BBS7: variants seen among roughly 807,000 people sequenced by gnomAD.
BBS7 encodes Bardet-Biedl syndrome 7, also known as BBSome complex member BBS7.
BBS7 carries 50 observed loss-of-function variants against 90.3 expected under a neutral mutation model. The observed-to-expected ratio is 0.55, with a 90% CI of 0.44 to 0.70. BBS7 has a LOEUF of 0.70. Ranked by LOEUF, BBS7 falls within the 30% of genes least tolerant of loss-of-function variation. The pLI, the probability that BBS7 is intolerant of heterozygous loss-of-function variation, is 0.00. For missense variants in BBS7, 729 were observed against 838.9 expected, an observed-to-expected ratio of 0.87 and a Z score of 1.62; for synonymous variants, 235 against 287.4, an observed-to-expected ratio of 0.82 and a Z score of 1.85.
rs1350880475 is a variant in BBS7, at chr4:121,835,128, C to T, written c.1511+16G>A. The T allele has an allele frequency of 9.9e-6, 16 of 1,613,412 alleles. No individual in the cohort carries two copies. Among genetic ancestry groups the T allele is most frequent in the Non-Finnish European group, 1.3e-5 (15 of 1,179,474 alleles). Reference sequence around the variant, plus strand: ...TGTAATATCCTAAAAAGAATTTGCTCTTTCCTTTGTCCTACCTGTCATGAT... The same window carrying T: ...TGTAATATCCTAAAAAGAATTTGCTTTTTCCTTTGTCCTACCTGTCATGAT... On this transcript the variant is annotated intron_variant, in intron 14 of 18. Transcript: ENST00000264499.
At chr4:121,870,151 A>T in intron 1 of BBS7, 127 bp downstream of exon 1, 1 of 1,209,480 alleles carries the variant, frequency 8.3e-7, no homozygotes, top group African/African-American at 1.5e-5. Context: ...AGAGGTCGGC[A>T]CCCAGCCCGG....
At chr4:121,832,009 A>ACACACACACACACACACAC (rs1725207388) in intron 15 of BBS7, among the ~76,000 whole-genome samples, 3 of 142,768 alleles carry the variant, frequency 2.1e-5, no homozygotes, top group African/African-American at 8.0e-5. Flanking sequence ...AAAAAACAAA[A>ACACACACACACACACACAC]ACACACACAC....
rs535815514 is a variant in BBS7 at position 121,849,072 on chromosome 4, G to A, written c.850-144C>T. 11 of 567,622 alleles carry A rather than the reference G, an allele frequency of 1.9e-5. No individual in the cohort carries two copies. The Admixed American group carries it at 2.4e-4, about 12-fold the overall frequency. The allele number at this position is 567,622 out of a possible 1,614,324, so 35.2% of individuals were successfully genotyped here. A position where few individuals can be genotyped will look rare whatever the true frequency, so the allele number is the denominator to read the frequency against. ...TATGTGCAGACACTCAGATTAGAAA[G>A]ACAAAATATCTTGAACAAATGGCAG... On this transcript the variant is annotated intron_variant, in intron 8 of 18. Transcript: ENST00000264499.
rs1404321536 is a variant in BBS7 at position 121,857,869 on chromosome 4, C to T, written c.528+1123G>A. Among the ~76,000 whole-genome samples the T allele has an allele frequency of 2.9e-5, 4 of 136,812 alleles. No individual in the cohort carries two copies. The Admixed American group carries it at 3.3e-4, about 11-fold the overall frequency. 89.8% of individuals were successfully genotyped at this position (136,812 alleles called of 152,430 possible). ...TTGCCCAGGCTGGAGTGCAGTGATG[C>T]AATTTCAGCTCACCGCAACCTCCGC... On this transcript the variant is annotated intron_variant, in intron 5 of 18. Coordinates refer to ENST00000264499, the MANE Select transcript of BBS7 (RefSeq NM_176824.3).
intron 15 of BBS7, among the ~76,000 whole-genome samples, chr4:121,831,950 G>A (rs1332585599): frequency 2.6e-5 from 4 of 151,526 alleles, no homozygotes; most frequent in African/African-American, 4.9e-5. Flanking sequence ...AAGAGGCAGA[G>A]GCAGAGAAAG....
intron 14 of BBS7, among the ~76,000 whole-genome samples, chr4:121,834,638 C>G (rs528217742): frequency 6.6e-6 from 1 of 152,248 alleles, no homozygotes; most frequent in East Asian, 1.9e-4. Context: ...AGAAAGTAAT[C>G]AGTAATTGTT....
chr4:121,855,882 A>G (rs563883938), intron 5 of BBS7, among the ~76,000 whole-genome samples: 9 of 143,994 alleles, frequency 6.3e-5, no homozygotes, highest in Middle Eastern at 3.5e-3. Context: ...ATATGTACAT[A>G]TATGTACATA....
chr4:121,845,965 A>T (rs563968464), intron 10 of BBS7, among the ~76,000 whole-genome samples: 1 of 152,310 alleles, frequency 6.6e-6, no homozygotes. Flanking sequence ...GTAGGCTACA[A>T]AATAATCTTA....
intron 9 of BBS7, 127 bp downstream of exon 9, chr4:121,848,717 G>T: frequency 1.4e-6 from 1 of 714,700 alleles, no homozygotes; most frequent in Non-Finnish European, 2.4e-6. Context: ...TCTTGGAATG[G>T]ATTCCCCATG....
intron 2 of BBS7, 54 bp from the exon 3 acceptor site, chr4:121,863,333 T>C: frequency 7.0e-7 from 1 of 1,426,218 alleles, no homozygotes; most frequent in Non-Finnish European, 9.9e-7. Context: ...TATGACCTAA[T>C]AATTATATAC....
Position 121,833,233 on chromosome 4 carries a change from G to A in BBS7, c.1674C>T (p.Tyr558=). 1 of 1,613,452 alleles carries A rather than the reference G, an allele frequency of 6.2e-7. No homozygotes were observed. The highest frequency in any genetic ancestry group is 2.2e-5 in the East Asian group (1 of 44,844). The change falls in exon 15 of 19, where the codon TAC becomes TAT. Residue 558 remains tyrosine, a splice_region_variant and synonymous_variant. Coordinates refer to ENST00000264499, the MANE Select transcript of BBS7 (RefSeq NM_176824.3). ...AACCAGTAATAAGTTAGATTTACCT[G>A]TAGGTACTTTCAAGTTGTGTATCTA... ...TFLDTQLEST[Y]RKGEGVFKSD...
At chr4:121,850,637 A>G (rs968109806) in intron 8 of BBS7, among the ~76,000 whole-genome samples, 19 of 152,156 alleles carry the variant, frequency 1.2e-4, no homozygotes, top group Admixed American at 1.0e-3. Context: ...AATCTATTCT[A>G]TTTTGTTTTT....
intron 5 of BBS7, among the ~76,000 whole-genome samples, chr4:121,856,572 T>C (rs1726684648): frequency 6.6e-6 from 1 of 151,610 alleles, no homozygotes; most frequent in Non-Finnish European, 1.5e-5. Flanking sequence ...ATTAGCCAGG[T>C]GTGGTGGTGC....
At chr4:121,848,769 T>A in intron 9 of BBS7, 75 bp downstream of exon 9, 1 of 1,227,872 alleles carries the variant, frequency 8.1e-7, no homozygotes, top group Non-Finnish European at 1.2e-6. Context: ...AAAAGAGTCA[T>A]CAAAAGCAGT....
At chr4:121,840,141 T>A (rs1303423360) in intron 12 of BBS7, among the ~76,000 whole-genome samples, 1 of 152,208 alleles carries the variant, frequency 6.6e-6, no homozygotes, top group African/African-American at 2.4e-5. Flanking sequence ...CAGTGGGAGA[T>A]AATTGAATCA....
chr4:121,856,558 C>T (rs1267710434), intron 5 of BBS7, among the ~76,000 whole-genome samples: 1 of 151,656 alleles, frequency 6.6e-6, no homozygotes, highest in Non-Finnish European at 1.5e-5. Context: ...ACTAAAAATA[C>T]AAAATTAGCC....
chr4:121,853,959 T>C (rs1726458658), intron 7 of BBS7, among the ~76,000 whole-genome samples: 1 of 152,208 alleles, frequency 6.6e-6, no homozygotes, highest in Admixed American at 6.5e-5. Flanking sequence ...CCACCTCAAA[T>C]CTTTCACACT....
At position 121,859,134 on chromosome 4, in the gene BBS7, T is replaced by C. The variant is rs762766426; in HGVS notation, c.386A>G (p.Tyr129Cys). ...GTCTTTGCAGTCACAATAATGGTTA[T>C]AGATGTAACTTGCACTGAGAAAGAG... The part of the protein sequence containing the change: ...SDLFLSASYI[Y>C]NHYCDCKDQH... The change falls in exon 5 of 19, where the codon TAT (tyrosine) becomes TGT (cysteine). Residue 129 changes from tyrosine to cysteine, a missense_variant. Coordinates refer to ENST00000264499, the MANE Select transcript of BBS7 (RefSeq NM_176824.3). 1 of 1,613,878 alleles carries C rather than the reference T, an allele frequency of 6.2e-7. No homozygotes were observed. Among genetic ancestry groups the C allele is most frequent in the South Asian group, 1.1e-5 (1 of 91,080 alleles).
intron 3 of BBS7, 134 bp from the exon 4 acceptor site, chr4:121,861,813 A>C (rs967304237): frequency 5.0e-5 from 42 of 844,180 alleles, no homozygotes; most frequent in Non-Finnish European, 7.3e-5. Context: ...ATTTTAGATA[A>C]TAATCTATAT....
Sources: allele counts gnomAD v4.1 joint callset (sites outside exome capture counted in the v4.1 genomes callset), GRCh38; gene constraint gnomAD v4.1.1; transcripts MANE v1.5; gene names NCBI Gene and HGNC (gene_info 2026-07-23, HGNC 2026-07-21).